Variants in CFAP61 observed in about 807,000 individuals in gnomAD.
The protein encoded by CFAP61 is cilia and flagella associated protein 61, also known as cilia- and flagella-associated protein 61.
In CFAP61, 107 loss-of-function variants were observed where a neutral mutation model predicts 135.6. The observed-to-expected ratio is 0.79, with a 90% CI of 0.67 to 0.93. CFAP61 has a LOEUF of 0.93. CFAP61 is among the 40% of genes least tolerant of loss of function. CFAP61 has a pLI of 0.00. For synonymous variants in CFAP61, 575 were observed against 578.5 expected, an observed-to-expected ratio of 0.99 and a Z score of 0.09; for missense variants, 1,507 against 1,556.2, an observed-to-expected ratio of 0.97 and a Z score of 0.53.
intron 8 of CFAP61, among the ~76,000 whole-genome samples, chr20:20,133,663 G>C (rs540191269): frequency 6.6e-6 from 1 of 152,152 alleles, no homozygotes; most frequent in Admixed American, 6.5e-5. Flanking sequence ...TCTTTTTCCT[G>C]ACCTAAGGAG....
intron 21 of CFAP61, among the ~76,000 whole-genome samples, chr20:20,274,706 C>T (rs2053612467): frequency 6.6e-6 from 1 of 151,996 alleles, no homozygotes; most frequent in Non-Finnish European, 1.5e-5. Flanking sequence ...TGGACCTGGT[C>T]AAGAATAGTA....
intron 25 of CFAP61, among the ~76,000 whole-genome samples, chr20:20,304,303 T>TGTGTGTGTGTGTGTGA (rs754913257): frequency 6.8e-6 from 1 of 147,576 alleles, no homozygotes; most frequent in South Asian, 2.1e-4. Flanking sequence ...TGTGTGTGTG[T>TGTGTGTGTGTGTGTGA]GAGAGAGAGA....
intron 25 of CFAP61, among the ~76,000 whole-genome samples, chr20:20,314,002 G>A (rs547029478): frequency 1.8e-4 from 28 of 152,220 alleles, no homozygotes; most frequent in Non-Finnish European, 3.2e-4. Flanking sequence ...CATGAGAATG[G>A]CACCAGCTAT....
intron 8 of CFAP61, among the ~76,000 whole-genome samples, chr20:20,140,570 G>A (rs1240023555): frequency 1.2e-4 from 19 of 152,192 alleles, no homozygotes; most frequent in Non-Finnish European, 2.2e-4. Context: ...AACAACAGGT[G>A]CTGGAGAGGA....
chr20:20,082,650 T>C (rs919835296), intron 6 of CFAP61, among the ~76,000 whole-genome samples: 2 of 152,214 alleles, frequency 1.3e-5, no homozygotes, highest in Non-Finnish European at 2.9e-5. Flanking sequence ...AACAATGTTG[T>C]GAAATAACTG....
At chr20:20,253,555 A>G (rs1034872345) in intron 20 of CFAP61, 3 of 488,894 alleles carry the variant, frequency 6.1e-6, no homozygotes, top group African/African-American at 5.9e-5. Context: ...GTTCAGCATG[A>G]CTCTGCATTT....
intron 21 of CFAP61, among the ~76,000 whole-genome samples, chr20:20,268,220 ATAGTT>A (rs2052958595): frequency 6.6e-6 from 1 of 152,258 alleles, no homozygotes; most frequent in South Asian, 2.1e-4. Flanking sequence ...ACAGTGAAAA[ATAGTT>A]TCATCGTGTC....
intron 21 of CFAP61, among the ~76,000 whole-genome samples, chr20:20,274,453 GA>G (rs1433110186): frequency 6.6e-6 from 1 of 152,180 alleles, no homozygotes; most frequent in African/African-American, 2.4e-5. Flanking sequence ...TTGAGGTCAA[GA>G]GTTCAAGACC....
chr20:20,119,340 T>A (rs1413029408), intron 8 of CFAP61, among the ~76,000 whole-genome samples: 1 of 152,180 alleles, frequency 6.6e-6, no homozygotes, highest in East Asian at 1.9e-4. Flanking sequence ...TTGTTCAATC[T>A]TGGTAGGTTG....
intron 13 of CFAP61, among the ~76,000 whole-genome samples, chr20:20,182,266 A>C (rs1409927538): frequency 6.6e-6 from 1 of 152,192 alleles, no homozygotes; most frequent in Non-Finnish European, 1.5e-5. Context: ...TTTTAGATCC[A>C]TGTCATTTTA....
At chr20:20,318,583 C>T (rs1569290511) in intron 25 of CFAP61, among the ~76,000 whole-genome samples, 1 of 152,144 alleles carries the variant, frequency 6.6e-6, no homozygotes, top group Non-Finnish European at 1.5e-5. Context: ...CTGGGATTGG[C>T]CTCCCCTGAT....
At chr20:20,065,111 G>A (rs540429926) in intron 2 of CFAP61, among the ~76,000 whole-genome samples, 7 of 152,190 alleles carry the variant, frequency 4.6e-5, no homozygotes, top group African/African-American at 1.7e-4. Context: ...TTATTCACAT[G>A]GGAAAGAAAA....
intron 18 of CFAP61, among the ~76,000 whole-genome samples, chr20:20,233,480 C>T (rs2049322356): frequency 1.3e-5 from 2 of 152,178 alleles, no homozygotes; most frequent in Admixed American, 1.3e-4. Flanking sequence ...GCAGCACGGA[C>T]ATCCACAGGG....
chr20:20,064,120 G>T (rs1036095674), intron 2 of CFAP61, among the ~76,000 whole-genome samples: 9 of 147,072 alleles, frequency 6.1e-5, no homozygotes, highest in Non-Finnish European at 1.3e-4. Context: ...ACATCCGATT[G>T]TTATCAGTCA....
chr20:20,172,508 G>A (rs1364166576), intron 13 of CFAP61, among the ~76,000 whole-genome samples: 1 of 152,022 alleles, frequency 6.6e-6, no homozygotes, highest in African/African-American at 2.4e-5. Context: ...TGTACAGACA[G>A]GGTTTCATCA....
intron 25 of CFAP61, among the ~76,000 whole-genome samples, chr20:20,299,687 T>C (rs929014372): frequency 6.6e-6 from 1 of 152,236 alleles, no homozygotes; most frequent in Non-Finnish European, 1.5e-5. Flanking sequence ...AGCACGGTGT[T>C]TGTGAGAACC....
intron 26 of CFAP61, among the ~76,000 whole-genome samples, chr20:20,343,795 G>A (rs1245770722): frequency 6.6e-6 from 1 of 152,144 alleles, no homozygotes; most frequent in Non-Finnish European, 1.5e-5. Flanking sequence ...GGGGGTTTTA[G>A]TCTTAAAGCT....
intron 18 of CFAP61, among the ~76,000 whole-genome samples, chr20:20,232,193 C>T (rs1278948444): frequency 1.3e-5 from 2 of 152,022 alleles, no homozygotes; most frequent in East Asian, 1.9e-4. Flanking sequence ...AGCCTGAAGG[C>T]GCCACCACGG....
intron 10 of CFAP61, among the ~76,000 whole-genome samples, chr20:20,163,299 A>T (rs1465503053): frequency 1.3e-5 from 2 of 152,196 alleles, no homozygotes; most frequent in African/African-American, 4.8e-5. Context: ...GAACAGCCTC[A>T]GCCCTGACTT....
Sources: allele counts gnomAD v4.1 joint callset (sites outside exome capture counted in the v4.1 genomes callset), GRCh38; gene constraint gnomAD v4.1.1; transcripts MANE v1.5; gene names NCBI Gene and HGNC (gene_info 2026-07-23, HGNC 2026-07-21).